Variants in LRRK1 observed in about 807,000 individuals in gnomAD.
LRRK1 encodes the protein leucine-rich repeat serine/threonine-protein kinase 1.
In LRRK1, 113 loss-of-function variants were observed where a neutral mutation model predicts 209.1. That is an observed-to-expected ratio of 0.54 (90% CI 0.46 to 0.63). The LOEUF is 0.63. Among genes scored for constraint, LRRK1 ranks in the 30% least tolerant of loss-of-function variants. The pLI is 0.00. For missense variants in LRRK1, 2,284 were observed against 2,632.2 expected, an observed-to-expected ratio of 0.87 and a Z score of 2.89; for synonymous variants, 1,144 against 1,099.7, an observed-to-expected ratio of 1.04 and a Z score of -0.80.
At chr15:100,936,335 G>A (rs775068409) in intron 2 of LRRK1, among the ~76,000 whole-genome samples, 3 of 152,218 alleles carry the variant, frequency 2.0e-5, no homozygotes, top group Non-Finnish European at 4.4e-5. Context: ...CTTTATGGCT[G>A]TATGTGTGTG....
In LRRK1 at chr15:101,057,841, AAGCTGTTTC is replaced by A. The variant is rs1460824366; in HGVS notation, c.4528-145_4528-137del. 3.5e-6 allele frequency: 3 copies of A among 850,390 alleles called. No homozygotes were observed. In the African/African-American group the frequency reaches 5.1e-5, roughly 14 times the overall value. 52.7% of individuals were successfully genotyped at this position (850,390 alleles called of 1,614,324 possible). The stretch of plus-strand genomic sequence containing the variant: ...TGGATGGGTTTGCTCCTGACGTCTG[AAGCTGTTTC>A]AGCCTCTTGTTTGGATCTAGTCTGA... On this transcript the variant is annotated intron_variant, in intron 28 of 33. Coordinates refer to ENST00000388948, the MANE Select transcript of LRRK1 (RefSeq NM_024652.6).
At position 101,021,072 on chromosome 15, in the gene LRRK1, G is replaced by A. The variant is rs201783525; in HGVS notation, c.1629G>A (p.Pro543=). The stretch of plus-strand genomic sequence containing the variant: ...TTGCAGCAAGTGTGCTGGAATTTCC[G>A]GCCTTCCTAAGTGAGTCTTTGGAAG... ...GTEAASVLEF[P]AFLSESLEVL... The change falls in exon 13 of 34, where the codon CCG becomes CCA. Residue 543 remains proline, a synonymous_variant. Transcript: ENST00000388948. The A allele has an allele frequency of 4.3e-5, 69 of 1,614,020 alleles. No individual in the cohort carries two copies. Among genetic ancestry groups the A allele is most frequent in the African/African-American group, 3.1e-4 (23 of 74,992 alleles).
chr15:101,068,067 G>A (rs1022513584), intron 33 of LRRK1, among the ~76,000 whole-genome samples: 4 of 152,212 alleles, frequency 2.6e-5, no homozygotes, highest in African/African-American at 9.6e-5. Context: ...CAATTAGTAT[G>A]TGCTTGGGGT....
chr15:100,968,192 A>G (rs918715527), intron 2 of LRRK1, among the ~76,000 whole-genome samples: 1 of 152,192 alleles, frequency 6.6e-6, no homozygotes, highest in Non-Finnish European at 1.5e-5. Flanking sequence ...CCATAGATCA[A>G]TCGGTCCTTC....
chr15:101,052,487 T>C (rs11636939), intron 24 of LRRK1, among the ~76,000 whole-genome samples: 40,612 of 151,850 alleles, frequency 0.27, 6,117 homozygotes, highest in Middle Eastern at 0.37. Context: ...CTCCTGTCTG[T>C]AGCCCTAGCG....
intron 9 of LRRK1, among the ~76,000 whole-genome samples, chr15:101,011,281 A>T (rs924980799): frequency 2.6e-5 from 4 of 151,858 alleles, no homozygotes; most frequent in African/African-American, 9.7e-5. Flanking sequence ...ATCCTGGCCA[A>T]CATGGTGAAA....
At chr15:100,959,511 C>G (rs764121785) in intron 2 of LRRK1, among the ~76,000 whole-genome samples, 1 of 152,156 alleles carries the variant, frequency 6.6e-6, no homozygotes, top group Non-Finnish European at 1.5e-5. Context: ...GCATGGAAAG[C>G]GTAAGGGCTC....
intron 1 of LRRK1, among the ~76,000 whole-genome samples, chr15:100,921,611 C>G (rs2042023500): frequency 6.6e-6 from 1 of 152,240 alleles, no homozygotes; most frequent in Admixed American, 6.5e-5. Context: ...CTGTCAGAAG[C>G]TTTATAGCAA....
chr15:101,052,836 C>G (rs2035538765), intron 24 of LRRK1, 86 bp from the exon 25 acceptor site: 1 of 1,464,972 alleles, frequency 6.8e-7, no homozygotes, highest in South Asian at 1.3e-5. Context: ...AACCATGACT[C>G]TCGGCCGTTG....
intron 33 of LRRK1, among the ~76,000 whole-genome samples, chr15:101,067,972 A>C (rs1468526362): frequency 6.6e-6 from 1 of 152,102 alleles, no homozygotes; most frequent in Non-Finnish European, 1.5e-5. Flanking sequence ...GGCCACGCGG[A>C]GTGAGAGGTC....
chr15:101,012,862 C>G (rs2033333246), intron 10 of LRRK1, among the ~76,000 whole-genome samples: 1 of 152,156 alleles, frequency 6.6e-6, no homozygotes, highest in Admixed American at 6.5e-5. Context: ...GGACAGGACT[C>G]ACGCTTCTCA....
At chr15:100,968,571 T>A (rs553528469) in intron 2 of LRRK1, among the ~76,000 whole-genome samples, 1 of 152,236 alleles carries the variant, frequency 6.6e-6, no homozygotes, top group Non-Finnish European at 1.5e-5. Flanking sequence ...TGCATTTCCC[T>A]GATGACTAAT....
At chr15:101,066,261 G>A in intron 32 of LRRK1, 56 bp downstream of exon 32, 4 of 1,542,690 alleles carry the variant, frequency 2.6e-6, no homozygotes, top group Non-Finnish European at 3.5e-6. Context: ...TCCTGCTCTG[G>A]GGACAGAGCA....
chr15:101,053,342 A>G lies in LRRK1; in HGVS notation c.3976A>G (p.Ser1326Gly), dbSNP rs751906540. 6.2e-7 allele frequency: 1 copy of G among 1,603,694 alleles called. No homozygotes were observed. The highest frequency in any genetic ancestry group is 1.7e-5 in the Admixed American group (1 of 60,016). ...HPCIVALIGI[S>G]IHPLCFALEL... ...CTGCATCGTGGCGCTCATCGGCATC[A>G]GCATCCACCCGCTCTGCTTCGCCCT... The change falls in exon 26 of 34, where the codon AGC (serine) becomes GGC (glycine). Residue 1326 changes from serine (S) to glycine (G), a missense_variant. This residue lies in a region of LRRK1 where 780 missense variants were observed against 985.2 expected (regional missense o/e 0.79). Transcript: ENST00000388948.
At position 101,068,715 on chromosome 15, in the gene LRRK1, G is replaced by A. The variant is rs765208232; in HGVS notation, c.5915G>A (p.Cys1972Tyr). Residue 1972 changes from cysteine to tyrosine, a missense_variant, in exon 34 of 34, where the codon TGC (cysteine) becomes TAC (tyrosine). Physicochemically the swap from Cys to Tyr is radical, Grantham distance 194. Around this residue, in one of 6 missense-constraint regions of LRRK1, gnomAD observed 643 missense variants for 695.9 expected, o/e 0.92. Transcript: ENST00000388948. ...GTGGTGGCAAAGGACACTGTTGTGTGCACCTTTGAAAATGAAAACACAGAG... is the reference window on the plus strand; with the variant it reads ...GTGGTGGCAAAGGACACTGTTGTGTACACCTTTGAAAATGAAAACACAGAG... ...AAVVAKDTVV[C>Y]TFENENTEWC... 6.2e-7 allele frequency: 1 copy of A among 1,612,954 alleles called. No homozygotes were observed. The highest frequency in any genetic ancestry group is 8.5e-7 in the Non-Finnish European group (1 of 1,179,346).
chr15:100,920,201 C>T (rs961754197), intron 1 of LRRK1: 2 of 152,594 alleles, frequency 1.3e-5, no homozygotes, highest in Non-Finnish European at 2.9e-5. Context: ...CAACCTACCC[C>T]TTCACAGTAT....
chr15:100,962,829 T>A (rs1291638204), intron 2 of LRRK1, among the ~76,000 whole-genome samples: 1 of 19,524 alleles, frequency 5.1e-5, no homozygotes, highest in East Asian at 6.7e-4. Flanking sequence ...ATATATTTTT[T>A]TTTTTTTTTT....
intron 6 of LRRK1, among the ~76,000 whole-genome samples, chr15:100,996,046 T>C (rs1341686920): frequency 2.0e-5 from 3 of 152,236 alleles, no homozygotes; most frequent in Non-Finnish European, 2.9e-5. Flanking sequence ...ACTGGGGCCA[T>C]GCAAGCTGCT....
intron 2 of LRRK1, among the ~76,000 whole-genome samples, chr15:100,945,864 C>T (rs563544585): frequency 1.1e-3 from 160 of 152,200 alleles, no homozygotes; most frequent in Admixed American, 3.5e-3. Context: ...CTGTTAGTGT[C>T]GGCACGGTAT....
Sources: gnomAD v4.1 joint callset for allele counts (sites outside exome capture counted in the v4.1 genomes callset) on GRCh38, gnomAD v4.1.1 for gene constraint, gnomAD v4.1.1 regional missense constraint, MANE v1.5 for transcripts, NCBI Gene and HGNC (gene_info 2026-07-23, HGNC 2026-07-21) for gene names.